The following GALK2 variants were observed in gnomAD, a reference collection of about 807,000 sequenced individuals.
The protein encoded by GALK2 is N-acetylgalactosamine kinase.
GALK2 carries 36 observed loss-of-function variants against 52.4 expected under a neutral mutation model. The ratio of observed to expected loss-of-function variants is 0.69; its 90% CI spans 0.53 to 0.91. The LOEUF is 0.91. Among genes scored for constraint, GALK2 ranks in the 40% least tolerant of loss-of-function variants. GALK2 has a pLI of 0.00. For missense variants in GALK2, 579 were observed against 559.1 expected (o/e 1.04, Z -0.36); for synonymous variants, 176 against 199.1 (o/e 0.88, Z 0.98).
At chr15:49,319,453 T>G in intron 8 of GALK2, 151 bp from the exon 9 acceptor site, 1 of 640,796 alleles carries the variant, frequency 1.6e-6, no homozygotes, top group Non-Finnish European at 2.7e-6. Flanking sequence ...ACATTTCAAT[T>G]GAAAGAATCC....
chr15:49,239,960 G>A (rs573311393), intron 5 of GALK2, among the ~76,000 whole-genome samples: 3 of 152,286 alleles, frequency 2.0e-5, no homozygotes, highest in South Asian at 4.1e-4. Flanking sequence ...TAGCATTCTG[G>A]TTCAAATAAA....
intron 8 of GALK2, chr15:49,319,257 A>G: frequency 2.8e-6 from 1 of 352,826 alleles, no homozygotes; most frequent in Non-Finnish European, 5.5e-6. Flanking sequence ...CCTGGCCTAC[A>G]CAAAGTAGTA....
At chr15:49,177,469 T>A (rs1199185137) in intron 1 of GALK2, 1 of 155,812 alleles carries the variant, frequency 6.4e-6, no homozygotes, top group Non-Finnish European at 1.4e-5. Flanking sequence ...TATTGCACTT[T>A]AACTGTCATA....
At chr15:49,298,231 T>C (rs938350565) in intron 8 of GALK2, among the ~76,000 whole-genome samples, 4 of 152,202 alleles carry the variant, frequency 2.6e-5, no homozygotes, top group Non-Finnish European at 5.9e-5. Flanking sequence ...ACATTACTGG[T>C]GTATAAAAAT....
chr15:49,259,769 C>T (rs1428116213), intron 5 of GALK2, among the ~76,000 whole-genome samples: 4 of 146,934 alleles, frequency 2.7e-5, no homozygotes, highest in African/African-American at 1.0e-4. Flanking sequence ...GTGATGTTCC[C>T]CTTCCTGTGT....
chr15:49,174,041 C>T (rs2085279598), intron 1 of GALK2, among the ~76,000 whole-genome samples: 1 of 152,136 alleles, frequency 6.6e-6, no homozygotes, highest in Non-Finnish European at 1.5e-5. Flanking sequence ...CGGACTATTT[C>T]ACTGTTTTTA....
intron 9 of GALK2, among the ~76,000 whole-genome samples, chr15:49,323,395 T>C (rs1289210238): frequency 6.6e-6 from 1 of 152,142 alleles, no homozygotes; most frequent in Non-Finnish European, 1.5e-5. Flanking sequence ...GCAGGTTGCT[T>C]GTTTTCCCCA....
At position 49,329,366 on chromosome 15, in the gene GALK2, TACTC is replaced by T. The variant is rs2038154786; in HGVS notation, c.*1209_*1212del. On this transcript the variant is annotated 3_prime_UTR_variant, in exon 10 of 10. Transcript: ENST00000560031. ...TGGACCAAAAAGTATTTTGCTGAAA[TACTC>T]AGGTAATTGAGATAGCAATGGTTTT... 14 of 985,276 alleles carry T rather than the reference TACTC, an allele frequency of 1.4e-5. No individual in the cohort carries two copies. The highest frequency in any genetic ancestry group is 3.5e-5 in the African/African-American group (2 of 57,248). 61.0% of individuals were successfully genotyped at this position (985,276 alleles called of 1,614,324 possible).
At chr15:49,340,875 T>TAAA (rs2040614653) in intron 3 of GALK2, among the ~76,000 whole-genome samples, 1 of 152,226 alleles carries the variant, frequency 6.6e-6, no homozygotes, top group African/African-American at 2.4e-5. Context: ...TAGGTTTTCT[T>TAAA]CTAGGATTCT....
At chr15:49,243,891 G>A (rs1368730994) in intron 5 of GALK2, among the ~76,000 whole-genome samples, 1 of 151,954 alleles carries the variant, frequency 6.6e-6, no homozygotes, top group Non-Finnish European at 1.5e-5. Context: ...GGGAGGCTAA[G>A]GCAGGAGGAT....
chr15:49,180,779 G>T (rs62009779), intron 1 of GALK2, among the ~76,000 whole-genome samples: 1 of 151,840 alleles, frequency 6.6e-6, no homozygotes, highest in African/African-American at 2.4e-5. Flanking sequence ...ATGCTTCACC[G>T]TACCCCACCT....
At chr15:49,357,729 C>T (rs1465645881) in intron 3 of GALK2, among the ~76,000 whole-genome samples, 1 of 152,090 alleles carries the variant, frequency 6.6e-6, no homozygotes, top group Non-Finnish European at 1.5e-5. Context: ...TCCTCCCTAA[C>T]TCATTTATGA....
At chr15:49,257,713 G>T (rs911728821) in intron 5 of GALK2, among the ~76,000 whole-genome samples, 1 of 152,118 alleles carries the variant, frequency 6.6e-6, no homozygotes, top group East Asian at 1.9e-4. Flanking sequence ...GCTAGTTCAT[G>T]AGCTGGGTGT....
intron 5 of GALK2, among the ~76,000 whole-genome samples, chr15:49,260,710 T>C (rs546086430): frequency 1.5e-4 from 23 of 151,968 alleles, no homozygotes; most frequent in Admixed American, 1.3e-3. Flanking sequence ...GTCTAACGTT[T>C]AAGTCTTTAA....
At chr15:49,211,861 G>A (rs2088925370) in intron 2 of GALK2, among the ~76,000 whole-genome samples, 1 of 152,054 alleles carries the variant, frequency 6.6e-6, no homozygotes, top group African/African-American at 2.4e-5. Flanking sequence ...CACCCACCAG[G>A]CTTCACTTCC....
chr15:49,265,304 G>A (rs139590290), intron 5 of GALK2, among the ~76,000 whole-genome samples: 255 of 152,332 alleles, frequency 1.7e-3, no homozygotes, highest in African/African-American at 5.5e-3. Flanking sequence ...CCTGGCTGCC[G>A]CCTTGCAGTT....
chr15:49,181,505 T>TC (rs1210933472), intron 1 of GALK2, among the ~76,000 whole-genome samples: 1 of 135,298 alleles, frequency 7.4e-6, no homozygotes, highest in East Asian at 2.0e-4. Context: ...AAAAGACTTT[T>TC]TTTTTTTTTT....
upstream of GALK2, among the ~76,000 whole-genome samples, chr15:49,166,307 T>G (rs1353318416): frequency 6.6e-6 from 1 of 152,188 alleles, no homozygotes; most frequent in African/African-American, 2.4e-5. Context: ...GTTAAAGCAT[T>G]TTTGCACAAT....
At chr15:49,318,902 C>T (rs1883728706) in intron 8 of GALK2, 1 of 449,428 alleles carries the variant, frequency 2.2e-6, no homozygotes. Flanking sequence ...TCATACTGCA[C>T]ATCCCTCAGT....
Sources: allele counts gnomAD v4.1 joint callset (sites outside exome capture counted in the v4.1 genomes callset), GRCh38; gene constraint gnomAD v4.1.1; transcripts MANE v1.5; gene names NCBI Gene and HGNC (gene_info 2026-07-23, HGNC 2026-07-21).